KCNC1: variants seen among roughly 807,000 people sequenced by gnomAD.
KCNC1 encodes potassium voltage-gated channel subfamily C member 1.
In KCNC1, 8 loss-of-function variants were observed where a neutral mutation model predicts 43.4. The observed-to-expected ratio is 0.18, with a 90% CI of 0.11 to 0.33. The LOEUF (loss-of-function observed/expected upper bound fraction) is 0.33, where lower values mean the gene tolerates loss of function less well. Among genes scored for constraint, KCNC1 ranks in the 10% least tolerant of loss-of-function variants. KCNC1 has a pLI of 1.00. For missense variants in KCNC1, 420 were observed against 836.0 expected (o/e 0.50, Z 6.14); for synonymous variants, 361 against 360.5 (o/e 1.00, Z -0.01).
Position 17,771,933 on chromosome 11 carries a change from T to C in KCNC1, c.839T>C (p.Ile280Thr). 2 of 1,614,202 alleles carry C rather than the reference T, an allele frequency of 1.2e-6. No individual in the cohort carries two copies. The highest frequency in any genetic ancestry group is 1.7e-6 in the Non-Finnish European group (2 of 1,180,028). Residue 280 changes from isoleucine to threonine, a missense_variant, in exon 2 of 4, where the codon ATC becomes ACC. Around this residue, in one of 5 missense-constraint regions of KCNC1, gnomAD observed 58 missense variants for 256.9 expected, o/e 0.23. Transcript: ENST00000265969. The surrounding 1 kb of genome is among the most constrained non-coding windows in gnomAD (Gnocchi z 4.7). ...KVEFIKNSLN[I>T]IDFVAILPFY... is the part of the protein sequence containing the mutation. Reference sequence around the variant, plus strand: ...GAGTTCATCAAGAACTCGCTCAACATCATTGACTTTGTGGCCATCCTGCCC... The same window carrying C: ...GAGTTCATCAAGAACTCGCTCAACACCATTGACTTTGTGGCCATCCTGCCC...
intron 1 of KCNC1, among the ~76,000 whole-genome samples, chr11:17,769,497 G>A (rs1449938530): frequency 6.6e-6 from 1 of 152,002 alleles, no homozygotes; most frequent in East Asian, 1.9e-4. Context: ...TGAATGGATG[G>A]CAGGGAAGGA....
intron 1 of KCNC1, among the ~76,000 whole-genome samples, chr11:17,750,538 A>T (rs952744925): frequency 1.3e-5 from 2 of 152,108 alleles, no homozygotes; most frequent in African/African-American, 2.4e-5. Context: ...GGAATGTAGG[A>T]ATCACAGTGG....
At chr11:17,748,629 C>T (rs1848929368) in intron 1 of KCNC1, among the ~76,000 whole-genome samples, 1 of 152,160 alleles carries the variant, frequency 6.6e-6, no homozygotes, top group African/African-American at 2.4e-5. Flanking sequence ...AAAGAAAAAT[C>T]CACCCCTAAA....
chr11:17,772,822 G>C, intron 2 of KCNC1: 1 of 1,416,078 alleles, frequency 7.1e-7, no homozygotes, highest in African/African-American at 1.4e-5. Context: ...GGGTAAGGAG[G>C]TTGACGCGGT....
rs769299472 is a variant in KCNC1 at position 17,742,877 on chromosome 11, C to T, written c.570+6305C>T. Among the ~76,000 whole-genome samples the T allele has an allele frequency of 1.1e-4, 16 of 152,140 alleles. No individual in the cohort carries two copies. The highest frequency in any genetic ancestry group is 2.1e-4 in the South Asian group (1 of 4,818). On this transcript the variant is annotated intron_variant, in intron 1 of 3. Transcript: ENST00000265969. The surrounding 1 kb of genome is among the most constrained non-coding windows in gnomAD (Gnocchi z 4.2). Reference sequence around the variant, plus strand: ...ACAAGAACACCAAACCCCACCTGGGCGTGCTGTTCTTCTCTTATCTACTCC... The same window carrying T: ...ACAAGAACACCAAACCCCACCTGGGTGTGCTGTTCTTCTCTTATCTACTCC...
At position 17,773,340 on chromosome 11, in the gene KCNC1, G is replaced by C. The variant is rs1849252385; in HGVS notation, c.1504+742G>C. The C allele has an allele frequency of 2.0e-6, 2 of 985,256 alleles. No homozygotes were observed. Among genetic ancestry groups the C allele is most frequent in the Non-Finnish European group, 2.4e-6 (2 of 829,954 alleles). 61.0% of individuals were successfully genotyped at this position (985,256 alleles called of 1,614,324 possible). A position where few individuals can be genotyped will look rare whatever the true frequency, so the allele number is the denominator to read the frequency against. On this transcript the variant is annotated intron_variant, in intron 2 of 3. Transcript: ENST00000265969. The surrounding 1 kb of genome is among the most constrained non-coding windows in gnomAD (Gnocchi z 4.1). ...CTCTAGCTTTCACGTTGTCTGTTTG[G>C]GTTGATGGTCGAGTGGGAGTTTCCG...
At chr11:17,769,367 G>C (rs371742434) in intron 1 of KCNC1, among the ~76,000 whole-genome samples, 23 of 151,024 alleles carry the variant, frequency 1.5e-4, no homozygotes, top group African/African-American at 5.4e-4. Context: ...GGGAGATAAA[G>C]AAAAAAGGAG....
At chr11:17,778,135 A>T (rs1849305542) in intron 2 of KCNC1, among the ~76,000 whole-genome samples, 1 of 152,148 alleles carries the variant, frequency 6.6e-6, no homozygotes, top group Admixed American at 6.5e-5. Flanking sequence ...GGCCAGGAAG[A>T]TTCTGCTTTG....
At position 17,772,123 on chromosome 11, in the gene KCNC1, C is replaced by T. The variant is rs755107336; in HGVS notation, c.1029C>T (p.Asn343=). 1.6e-5 allele frequency: 26 copies of T among 1,613,908 alleles called. No homozygotes were observed. The highest frequency in any genetic ancestry group is 8.8e-5 in the South Asian group (8 of 91,078). The change falls in exon 2 of 4, where the codon AAC becomes AAT. Residue 343 remains asparagine (N), a synonymous_variant. Coordinates refer to ENST00000265969, the MANE Select transcript of KCNC1 (RefSeq NM_001112741.2). ...GCCACACGCTCCGAGCCAGCACCAACGAGTTCCTGCTGCTCATCATCTTCC... is the reference window on the plus strand; with the variant it reads ...GCCACACGCTCCGAGCCAGCACCAATGAGTTCCTGCTGCTCATCATCTTCC... The part of the protein sequence containing the change: ...VLGHTLRAST[N]EFLLLIIFLA...
rs940677477 is a variant in KCNC1 at position 17,771,941 on chromosome 11, T to C, written c.847T>C (p.Phe283Leu). 1 of 1,614,106 alleles carries C rather than the reference T, an allele frequency of 6.2e-7. No individual in the cohort carries two copies. Among genetic ancestry groups the C allele is most frequent in the Non-Finnish European group, 8.5e-7 (1 of 1,180,046 alleles). Reference sequence around the variant, plus strand: ...CAAGAACTCGCTCAACATCATTGACTTTGTGGCCATCCTGCCCTTCTACCT... The same window carrying C: ...CAAGAACTCGCTCAACATCATTGACCTTGTGGCCATCCTGCCCTTCTACCT... ...FIKNSLNIID[F>L]VAILPFYLEV... The change falls in exon 2 of 4, where the codon TTT becomes CTT. Residue 283 changes from phenylalanine to leucine, a missense_variant. Around this residue, in one of 5 missense-constraint regions of KCNC1, gnomAD observed 58 missense variants for 256.9 expected, o/e 0.23. Transcript: ENST00000265969. The surrounding 1 kb of genome is among the most constrained non-coding windows in gnomAD (Gnocchi z 4.7).
At position 17,762,366 on chromosome 11, in the gene KCNC1, G is replaced by T. The variant is rs771303970; in HGVS notation, c.571-9299G>T. On this transcript the variant is annotated intron_variant, in intron 1 of 3. Coordinates refer to ENST00000265969, the MANE Select transcript of KCNC1 (RefSeq NM_001112741.2). ...GAGGACCAGGGCGGGAGGGTCCACC[G>T]GAGCTTCAAGGTGAGAGGCTCTGTG... Among the ~76,000 whole-genome samples the T allele has an allele frequency of 6.9e-4, 105 of 152,328 alleles. 1 individual carries two copies. The highest frequency in any genetic ancestry group is 2.5e-4 in the Non-Finnish European group (17 of 68,036).
In KCNC1 at chr11:17,781,610, A is replaced by G. The variant is rs1849347557; in HGVS notation, c.1694-60A>G. 8.5e-7 allele frequency: 1 copy of G among 1,174,430 alleles called. No individual in the cohort carries two copies. The highest frequency in any genetic ancestry group is 2.6e-5 in the East Asian group (1 of 38,926). The allele number at this position is 1,174,430 out of a possible 1,614,324, so 72.8% of individuals were successfully genotyped here. A position where few individuals can be genotyped will look rare whatever the true frequency, so the allele number is the denominator to read the frequency against. On this transcript the variant is annotated intron_variant, in intron 3 of 3. Coordinates refer to ENST00000265969, the MANE Select transcript of KCNC1 (RefSeq NM_001112741.2). This position sits in a 1 kb window ranked among gnomAD's most constrained non-coding sequence, Gnocchi z 5.1. ...TCCTCCTTCTTAAAAACTAAGTACCAAGCGGGATGGGAGAGCCAAGAAGAG... is the reference window on the plus strand; with the variant it reads ...TCCTCCTTCTTAAAAACTAAGTACCGAGCGGGATGGGAGAGCCAAGAAGAG...
At position 17,777,350 on chromosome 11, in the gene KCNC1, C is replaced by T. The variant is rs1565164332; in HGVS notation, c.1505-2106C>T. 1 of 985,884 alleles carries T rather than the reference C, an allele frequency of 1.0e-6. No individual in the cohort carries two copies. Among genetic ancestry groups the T allele is most frequent in the Non-Finnish European group, 1.2e-6 (1 of 829,992 alleles). The allele number at this position is 985,884 out of a possible 1,614,324, so 61.1% of individuals were successfully genotyped here. A position where few individuals can be genotyped will look rare whatever the true frequency, so the allele number is the denominator to read the frequency against. Reference sequence around the variant, plus strand: ...CAGAGACTCAGCAAGTCCTCACTCCCCTCCCAGAAGGAGACGCTGCCTGGG... The same window carrying T: ...CAGAGACTCAGCAAGTCCTCACTCCTCTCCCAGAAGGAGACGCTGCCTGGG... On this transcript the variant is annotated intron_variant, in intron 2 of 3. Transcript: ENST00000265969. The surrounding 1 kb of genome is among the most constrained non-coding windows in gnomAD (Gnocchi z 4.3).
chr11:17,763,906 C>CA (rs1565160227), intron 1 of KCNC1, among the ~76,000 whole-genome samples: 1 of 75,568 alleles, frequency 1.3e-5, no homozygotes, highest in African/African-American at 4.0e-5. Context: ...CACACAAACC[C>CA]CACACACCAC....
Position 17,735,749 on chromosome 11 carries a change from A to C in KCNC1, c.-254A>C. The stretch of plus-strand genomic sequence containing the variant: ...CCTCCTCTGCCTCCTCCGCTGCCGG[A>C]CCAGCTCCCTCCCACATCTGGCTCC... On this transcript the variant is annotated 5_prime_UTR_variant, in exon 1 of 4. Coordinates refer to ENST00000265969, the MANE Select transcript of KCNC1 (RefSeq NM_001112741.2). This position sits in a 1 kb window ranked among gnomAD's most constrained non-coding sequence, Gnocchi z 6.7. 1 of 259,394 alleles carries C rather than the reference A, an allele frequency of 3.9e-6. No homozygotes were observed. Among genetic ancestry groups the C allele is most frequent in the Non-Finnish European group, 7.2e-6 (1 of 139,800 alleles). The allele number at this position is 259,394 out of a possible 1,614,324, so 16.1% of individuals were successfully genotyped here. A position where few individuals can be genotyped will look rare whatever the true frequency, so the allele number is the denominator to read the frequency against.
intron 1 of KCNC1, among the ~76,000 whole-genome samples, chr11:17,753,855 C>T (rs377083143): frequency 4.1e-4 from 63 of 152,340 alleles, no homozygotes; most frequent in African/African-American, 9.4e-4. Context: ...AGATTCGCCA[C>T]TCCAGTGCCC....
chr11:17,774,961 C>T (rs1235347061), intron 2 of KCNC1: 9 of 985,296 alleles, frequency 9.1e-6, no homozygotes, highest in East Asian at 2.3e-4. Flanking sequence ...AGAGGAGTTG[C>T]GGTCTTTAGG....
In KCNC1 at chr11:17,779,908, G is replaced by A. The variant is rs1849327802; in HGVS notation, c.1693+264G>A. On this transcript the variant is annotated intron_variant, in intron 3 of 3. Coordinates refer to ENST00000265969, the MANE Select transcript of KCNC1 (RefSeq NM_001112741.2). The surrounding 1 kb of genome is among the most constrained non-coding windows in gnomAD (Gnocchi z 7.2). ...GAGGGGATTGGACAGGTTGACTTTA[G>A]GCCATGACCCCAAGGCAGGGGTACC... 1 of 326,370 alleles carries A rather than the reference G, an allele frequency of 3.1e-6. No homozygotes were observed. The highest frequency in any genetic ancestry group is 5.2e-5 in the East Asian group (1 of 19,254). 20.2% of individuals were successfully genotyped at this position (326,370 alleles called of 1,614,324 possible).
At chr11:17,756,267 C>T (rs202158209) in intron 1 of KCNC1, among the ~76,000 whole-genome samples, 2 of 152,154 alleles carry the variant, frequency 1.3e-5, no homozygotes, top group Non-Finnish European at 2.9e-5. Flanking sequence ...TGTGCATTCC[C>T]CTTGATGCCC....
Sources: gnomAD v4.1 joint callset for allele counts (sites outside exome capture counted in the v4.1 genomes callset) on GRCh38, gnomAD v4.1.1 for gene constraint, gnomAD v4.1.1 regional missense constraint, Gnocchi (gnomAD v3.1) non-coding constraint, MANE v1.5 for transcripts, NCBI Gene and HGNC (gene_info 2026-07-23, HGNC 2026-07-21) for gene names.